MIB1: variants seen among roughly 807,000 people sequenced by gnomAD.
The protein encoded by MIB1 is MIB E3 ubiquitin protein ligase 1, also known as E3 ubiquitin-protein ligase MIB1.
In MIB1, 278 loss-of-function variants were observed where a neutral mutation model predicts 124.5. That is an observed-to-expected ratio of 2.23 (90% CI 2.02 to 2.47). MIB1 has a LOEUF of 2.47. Among genes scored for constraint, MIB1 ranks in the 30% most tolerant of loss-of-function variants. The pLI is 0.00. For synonymous variants in MIB1, 446 were observed against 429.4 expected (o/e 1.04, Z -0.48); for missense variants, 957 against 1,254.4 (o/e 0.76, Z 3.58).
chr18:21,825,228 T>G (rs1450262078), intron 12 of MIB1, among the ~76,000 whole-genome samples: 3 of 152,250 alleles, frequency 2.0e-5, no homozygotes, highest in East Asian at 3.9e-4. Context: ...AGGCCAATAC[T>G]ATGGAAGATA....
chr18:21,826,700 A>G (rs2041927304), intron 12 of MIB1: 1 of 152,214 alleles, frequency 6.6e-6, no homozygotes, highest in South Asian at 2.1e-4. Flanking sequence ...TGCATAAAAT[A>G]AAAGTTTGAT....
chr18:21,707,696 C>T (rs890278645), intron 1 of MIB1, among the ~76,000 whole-genome samples: 8 of 152,108 alleles, frequency 5.3e-5, no homozygotes, highest in East Asian at 1.9e-4. Flanking sequence ...CGATGGTCCG[C>T]GGCTTCATTC....
intron 1 of MIB1, among the ~76,000 whole-genome samples, chr18:21,711,523 T>C (rs1263951209): frequency 1.3e-5 from 2 of 151,932 alleles, no homozygotes; most frequent in Admixed American, 6.6e-5. Flanking sequence ...CCTCAAATCA[T>C]GCGCCCACCT....
At chr18:21,750,486 C>G (rs563383007) in intron 1 of MIB1, among the ~76,000 whole-genome samples, 1 of 152,316 alleles carries the variant, frequency 6.6e-6, no homozygotes, top group Non-Finnish European at 1.5e-5. Context: ...TGCCACCATG[C>G]CCCGCTAACT....
chr18:21,857,061 T>C (rs2042235344), intron 18 of MIB1, 69 bp from the exon 19 acceptor site: 1 of 999,350 alleles, frequency 1.0e-6, no homozygotes, highest in African/African-American at 1.6e-5. Context: ...TCATAAAAAT[T>C]AGCAGAGAAA....
chr18:21,757,783 G>A (rs1290182786), intron 1 of MIB1, among the ~76,000 whole-genome samples: 1 of 151,952 alleles, frequency 6.6e-6, no homozygotes, highest in Admixed American at 6.6e-5. Flanking sequence ...ACCACACCCG[G>A]CCAGTCTTTT....
intron 1 of MIB1, among the ~76,000 whole-genome samples, chr18:21,733,500 A>G (rs1352145191): frequency 1.3e-5 from 2 of 152,058 alleles, no homozygotes; most frequent in African/African-American, 4.8e-5. Context: ...GCCCCAAGCC[A>G]TTCTCCTACC....
At position 21,791,017 on chromosome 18, in the gene MIB1, A is replaced by C. The variant is rs577908382; in HGVS notation, c.909-357A>C. On this transcript the variant is annotated intron_variant, in intron 6 of 20. Transcript: ENST00000261537. ...TCAGGAGTTCGAGACCAGCCAGGCT[A>C]ACATGGTGAAATCCTGTCTCTACTA... Among the ~76,000 whole-genome samples the C allele has an allele frequency of 1.1e-4, 17 of 152,174 alleles. No individual in the cohort carries two copies. In the South Asian group the frequency reaches 3.5e-3, roughly 32 times the overall value.
intron 6 of MIB1, among the ~76,000 whole-genome samples, chr18:21,785,705 G>A (rs2041427349): frequency 6.6e-6 from 1 of 152,054 alleles, no homozygotes; most frequent in South Asian, 2.1e-4. Flanking sequence ...TTTTACCAGG[G>A]AATTTTGTAT....
chr18:21,857,961 T>A (rs2042243243), intron 19 of MIB1, among the ~76,000 whole-genome samples: 1 of 152,180 alleles, frequency 6.6e-6, no homozygotes, highest in Non-Finnish European at 1.5e-5. Flanking sequence ...TTAACTAGAA[T>A]AAAAGACCAA....
intron 12 of MIB1, among the ~76,000 whole-genome samples, chr18:21,822,930 T>C (rs934446775): frequency 6.6e-6 from 1 of 151,758 alleles, no homozygotes; most frequent in African/African-American, 2.4e-5. Context: ...CAAGACCCTG[T>C]CTCTAAAAAA....
At position 21,815,681 on chromosome 18, in the gene MIB1, A is replaced by T. The variant is rs150010090; in HGVS notation, c.1545A>T (p.Val515=). ...AFGDEGAVIE[V]LHRGSADLNA... ...GAGATGAAGGCGCTGTTATAGAAGTACTACATCGAGGTAGTGCTGATTTGA... is the reference window on the plus strand; with the variant it reads ...GAGATGAAGGCGCTGTTATAGAAGTTCTACATCGAGGTAGTGCTGATTTGA... Residue 515 remains valine, a synonymous_variant, in exon 11 of 21, where the codon GTA becomes GTT. Transcript: ENST00000261537. 2.1e-5 allele frequency: 34 copies of T among 1,614,060 alleles called. No individual in the cohort carries two copies. The African/African-American group carries it at 4.5e-4, about 22-fold the overall frequency.
Position 21,735,278 on chromosome 18 carries a change from C to T in MIB1, n.167+30155C>T, listed in dbSNP as rs570940721. On this transcript the variant is annotated intron_variant and non_coding_transcript_variant, in intron 1 of 20. Transcript: ENST00000578646. ...AAGCACAAGGGGTCAGTGGATCTCC[C>T]TCCCCAAGCCAAGGGAAGCTGTGAG... Among the ~76,000 whole-genome samples, 4 of 152,276 alleles carry T rather than the reference C, an allele frequency of 2.6e-5. No individual in the cohort carries two copies. The South Asian group carries it at 8.3e-4, about 32-fold the overall frequency.
chr18:21,803,594 C>T (rs182710181), intron 9 of MIB1: 106 of 181,390 alleles, frequency 5.8e-4, no homozygotes, highest in Non-Finnish European at 9.7e-4. Flanking sequence ...AGAGATTAAT[C>T]TAAAAAGAAA....
intron 16 of MIB1, 25 bp downstream of exon 16, chr18:21,847,150 A>G (rs752402102): frequency 3.8e-6 from 6 of 1,593,582 alleles, no homozygotes; most frequent in Admixed American, 1.7e-5. Context: ...TTATCATAAA[A>G]CTTAATATTC....
intron 12 of MIB1, among the ~76,000 whole-genome samples, chr18:21,821,674 C>T (rs2041880136): frequency 6.6e-6 from 1 of 151,562 alleles, no homozygotes; most frequent in Non-Finnish European, 1.5e-5. Flanking sequence ...TCTCGGCTCA[C>T]TGCAAGCTCT....
chr18:21,728,391 GCTGA>G (rs1384962479), intron 1 of MIB1, among the ~76,000 whole-genome samples: 2 of 152,290 alleles, frequency 1.3e-5, no homozygotes, highest in South Asian at 2.1e-4. Context: ...TAATTGGGAG[GCTGA>G]GGCAGGAGAA....
intron 6 of MIB1, among the ~76,000 whole-genome samples, chr18:21,789,601 G>A (rs994074044): frequency 7.3e-5 from 11 of 151,702 alleles, no homozygotes; most frequent in African/African-American, 1.7e-4. Flanking sequence ...TTCCTGACCC[G>A]AGGTCAGGAG....
chr18:21,819,441 T>C, intron 11 of MIB1, 54 bp from the exon 12 acceptor site: 1 of 1,158,386 alleles, frequency 8.6e-7, no homozygotes, highest in South Asian at 1.5e-5. Flanking sequence ...TAAGTATTAC[T>C]ATTAGATGGG....
Sources: gnomAD v4.1 joint callset for allele counts (sites outside exome capture counted in the v4.1 genomes callset) on GRCh38, gnomAD v4.1.1 for gene constraint, MANE v1.5 for transcripts, NCBI Gene and HGNC (gene_info 2026-07-23, HGNC 2026-07-21) for gene names.